The following ATXN1 variants were observed in gnomAD, a reference collection of about 807,000 sequenced individuals.
ATXN1 encodes ataxin 1, also known as ataxin-1.
In ATXN1, 8 loss-of-function variants were observed where a neutral mutation model predicts 56.4. The observed-to-expected ratio is 0.14, with a 90% CI of 0.08 to 0.26. The LOEUF (loss-of-function observed/expected upper bound fraction) is 0.26. Among genes scored for constraint, ATXN1 ranks in the 10% least tolerant of loss-of-function variants. The pLI, the probability that ATXN1 is intolerant of heterozygous loss-of-function variation, is 1.00. For synonymous variants in ATXN1, 514 were observed against 494.6 expected (o/e 1.04, Z -0.52); for missense variants, 987 against 1,106.5 (o/e 0.89, Z 1.53).
chr6:16,578,940 C>T lies in ATXN1; in HGVS notation c.-361+6840G>A, dbSNP rs140007635. Among the ~76,000 whole-genome samples the T allele has an allele frequency of 1.2e-3, 180 of 152,310 alleles. 5 individuals are homozygous for T. Among genetic ancestry groups the T allele is most frequent in the East Asian group, 0.011 (55 of 5,188 alleles). ...GGCAAACCATCCTCCCATCTTATTG[C>T]CCAATTCCACTTTCCCTGCTGTTTT... is the stretch of plus-strand genomic sequence containing the variant. On this transcript the variant is annotated intron_variant, in intron 4 of 7. Coordinates refer to ENST00000436367, the MANE Select transcript of ATXN1 (RefSeq NM_001128164.2).
rs190762819 is a variant in ATXN1, at chr6:16,731,693, A to G, written c.-615+21540T>C. On this transcript the variant is annotated intron_variant, in intron 2 of 7. Coordinates refer to ENST00000436367, the MANE Select transcript of ATXN1 (RefSeq NM_001128164.2). ...GCATTTTTCCCCATGATATCTCTGT[A>G]TCATGAAAAAGTACATTTGTCATTT... Among the ~76,000 whole-genome samples the G allele has an allele frequency of 5.3e-5, 8 of 152,108 alleles. No individual in the cohort carries two copies. In the East Asian group the frequency reaches 7.7e-4, roughly 15 times the overall value.
chr6:16,573,301 T>C, intron 4 of ATXN1, among the ~76,000 whole-genome samples: 1 of 151,880 alleles, frequency 6.6e-6, no homozygotes, highest in Admixed American at 6.6e-5. Context: ...ACCTGTCCAG[T>C]AAATATGACC....
At chr6:16,505,950 T>C (rs943623363) in intron 5 of ATXN1, among the ~76,000 whole-genome samples, 22 of 152,344 alleles carry the variant, frequency 1.4e-4, no homozygotes, top group African/African-American at 5.3e-4. Context: ...AAGCAGCACG[T>C]GTCCCATTTC....
At chr6:16,498,436 G>A (rs1187893089) in intron 5 of ATXN1, among the ~76,000 whole-genome samples, 1 of 152,190 alleles carries the variant, frequency 6.6e-6, no homozygotes, top group Admixed American at 6.5e-5. Flanking sequence ...TATGAATCAT[G>A]CTGCTATGAA....
chr6:16,681,294 G>A (rs1231816199), intron 2 of ATXN1, among the ~76,000 whole-genome samples: 1 of 152,230 alleles, frequency 6.6e-6, no homozygotes, highest in Non-Finnish European at 1.5e-5. Context: ...AGTCTCAGCT[G>A]TAATTCTATC....
intron 6 of ATXN1, among the ~76,000 whole-genome samples, chr6:16,352,659 T>C (rs549367009): frequency 2.6e-5 from 4 of 152,152 alleles, no homozygotes; most frequent in South Asian, 2.1e-4. Context: ...GGCAGAGTTA[T>C]TGTCAGATTT....
chr6:16,553,320 C>T (rs1761956098), intron 4 of ATXN1, among the ~76,000 whole-genome samples: 1 of 152,136 alleles, frequency 6.6e-6, no homozygotes, highest in African/African-American at 2.4e-5. Flanking sequence ...CACCCCAAAC[C>T]TCTCTAAGGT....
rs182987052 is a variant in ATXN1, at chr6:16,592,207, T to G, written c.-488-6300A>C. 2.4e-3 allele frequency among the ~76,000 whole-genome samples: 365 copies of G among 152,304 alleles called. 2 individuals are homozygous for G. Among genetic ancestry groups the G allele is most frequent in the Non-Finnish European group, 3.7e-3 (249 of 68,024 alleles). On this transcript the variant is annotated intron_variant, in intron 3 of 7. Coordinates refer to ENST00000436367, the MANE Select transcript of ATXN1 (RefSeq NM_001128164.2). ...CCAGTACTGGCCAGCACTTCAGTGA[T>G]GATGAATCCGAGCAGCAGAGAATTT...
chr6:16,632,911 C>T (rs1378810169), intron 3 of ATXN1, among the ~76,000 whole-genome samples: 8 of 151,170 alleles, frequency 5.3e-5, no homozygotes, highest in African/African-American at 1.7e-4. Context: ...ACAGGAGAAT[C>T]GCTTGAACCT....
chr6:16,604,683 C>T lies in ATXN1; in HGVS notation c.-488-18776G>A, dbSNP rs10456784. Among the ~76,000 whole-genome samples the T allele has an allele frequency of 2.3e-3, 340 of 149,490 alleles. 1 individual carries two copies. The highest frequency in any genetic ancestry group is 2.7e-3 in the Non-Finnish European group (185 of 67,582). On this transcript the variant is annotated intron_variant, in intron 3 of 7. Transcript: ENST00000436367. ...TCACTGCAGCCTCAGCCTCCTGGAA[C>T]CAGGTGATCCTCCCACTTCAGCCTT...
chr6:16,748,899 T>C (rs1319576546), intron 2 of ATXN1, among the ~76,000 whole-genome samples: 1 of 152,098 alleles, frequency 6.6e-6, no homozygotes, highest in Non-Finnish European at 1.5e-5. Context: ...TTACATTAAA[T>C]CAGACTGCTC....
intron 6 of ATXN1, among the ~76,000 whole-genome samples, chr6:16,454,450 G>C (rs1408215213): frequency 6.6e-6 from 1 of 152,124 alleles, no homozygotes; most frequent in African/African-American, 2.4e-5. Flanking sequence ...GTAGCCTCAG[G>C]GGTCAAGGCT....
intron 2 of ATXN1, among the ~76,000 whole-genome samples, chr6:16,693,606 A>G (rs1759095181): frequency 6.6e-6 from 1 of 152,142 alleles, no homozygotes; most frequent in Non-Finnish European, 1.5e-5. Context: ...GTCACCCAGG[A>G]CTTGATCAAA....
intron 4 of ATXN1, among the ~76,000 whole-genome samples, chr6:16,539,883 A>G (rs898834400): frequency 6.6e-6 from 1 of 152,172 alleles, no homozygotes; most frequent in Non-Finnish European, 1.5e-5. Flanking sequence ...CAGATGACAC[A>G]CCGAAGGCAG....
At chr6:16,650,656 G>A (rs1057336693) in intron 3 of ATXN1, among the ~76,000 whole-genome samples, 4 of 152,168 alleles carry the variant, frequency 2.6e-5, no homozygotes, top group Admixed American at 6.5e-5. Context: ...GCAGTGAACC[G>A]TAACCTACCT....
At chr6:16,610,744 C>T (rs1484655584) in intron 3 of ATXN1, among the ~76,000 whole-genome samples, 1 of 151,972 alleles carries the variant, frequency 6.6e-6, no homozygotes, top group African/African-American at 2.4e-5. Flanking sequence ...TGGATTCAGG[C>T]CCAGCACAGG....
intron 2 of ATXN1, among the ~76,000 whole-genome samples, chr6:16,683,892 C>T (rs1190350175): frequency 6.6e-6 from 1 of 152,222 alleles, no homozygotes; most frequent in Non-Finnish European, 1.5e-5. Context: ...TGAGGTCACA[C>T]ATCTGGTGCC....
intron 2 of ATXN1, among the ~76,000 whole-genome samples, chr6:16,751,546 C>T (rs1760718285): frequency 6.6e-6 from 1 of 151,216 alleles, no homozygotes; most frequent in African/African-American, 2.4e-5. Flanking sequence ...CACAAATAAC[C>T]ACATTTATGC....
chr6:16,496,104 C>T (rs1760776590), intron 5 of ATXN1, among the ~76,000 whole-genome samples: 1 of 152,200 alleles, frequency 6.6e-6, no homozygotes, highest in Admixed American at 6.5e-5. Context: ...ATACTTTAAA[C>T]TCCTTTTTTA....
Sources: allele counts gnomAD v4.1 joint callset (sites outside exome capture counted in the v4.1 genomes callset), GRCh38; gene constraint gnomAD v4.1.1; transcripts MANE v1.5; gene names NCBI Gene and HGNC (gene_info 2026-07-23, HGNC 2026-07-21).